APP: variants seen among roughly 807,000 people sequenced by gnomAD.
APP encodes the protein amyloid-beta precursor protein.
In APP, 31 loss-of-function variants were observed where a neutral mutation model predicts 101.4. The ratio of observed to expected loss-of-function variants is 0.31; its 90% CI spans 0.23 to 0.41. APP has a LOEUF of 0.41. APP is among the 10% of genes least tolerant of loss of function. The pLI is 1.00. For synonymous variants in APP, 366 were observed against 364.4 expected (o/e 1.00, Z -0.05); for missense variants, 839 against 1,003.7 (o/e 0.84, Z 2.22).
At chr21:26,167,939 A>C (rs2146403858) in intron 1 of APP, among the ~76,000 whole-genome samples, 1 of 152,292 alleles carries the variant, frequency 6.6e-6, no homozygotes, top group Middle Eastern at 3.4e-3. Flanking sequence ...CCTGAGCTTT[A>C]CTATTCTGTG....
At chr21:26,026,814 A>G (rs1037166249) in intron 5 of APP, among the ~76,000 whole-genome samples, 2 of 152,196 alleles carry the variant, frequency 1.3e-5, no homozygotes, top group African/African-American at 4.8e-5. Flanking sequence ...AGAATAAACA[A>G]TGCTGAGAGA....
chr21:25,952,195 C>T (rs964582396), intron 13 of APP, among the ~76,000 whole-genome samples: 1 of 145,542 alleles, frequency 6.9e-6, no homozygotes, highest in East Asian at 2.0e-4. Flanking sequence ...CATACATACA[C>T]ACACACACAC....
At chr21:26,111,624 C>G (rs1372904183) in intron 2 of APP, among the ~76,000 whole-genome samples, 2 of 151,922 alleles carry the variant, frequency 1.3e-5, no homozygotes, top group Middle Eastern at 6.3e-3. Context: ...TATAGTCCAG[C>G]TACTTGGGAG....
At chr21:25,988,323 T>C (rs2042716487) in intron 8 of APP, among the ~76,000 whole-genome samples, 1 of 152,066 alleles carries the variant, frequency 6.6e-6, no homozygotes, top group African/African-American at 2.4e-5. Flanking sequence ...CGTGGGCTGT[T>C]TGAGGGGGAG....
chr21:26,098,694 C>T (rs995206591), intron 2 of APP, among the ~76,000 whole-genome samples: 36 of 152,186 alleles, frequency 2.4e-4, no homozygotes, highest in Admixed American at 2.4e-3. Flanking sequence ...GAAATTGCTA[C>T]TAATTCTGAA....
intron 1 of APP, among the ~76,000 whole-genome samples, chr21:26,159,400 C>A (rs2063444452): frequency 6.6e-6 from 1 of 152,150 alleles, no homozygotes. Flanking sequence ...ATTTTTTAAA[C>A]ATCTAACTCC....
At chr21:25,897,463 T>A (rs1267838335) in intron 16 of APP, 110 bp downstream of exon 16, 3 of 892,420 alleles carry the variant, frequency 3.4e-6, no homozygotes, top group Non-Finnish European at 1.9e-6. Context: ...TAGGCAAGCA[T>A]TGTATTTTTA....
chr21:26,134,232 G>C (rs1235889595), intron 1 of APP, among the ~76,000 whole-genome samples: 3 of 152,116 alleles, frequency 2.0e-5, no homozygotes, highest in East Asian at 3.9e-4. Flanking sequence ...TGCCAGCTGA[G>C]TGTCCTCTAA....
intron 6 of APP, among the ~76,000 whole-genome samples, chr21:26,013,585 T>G (rs2043917247): frequency 6.6e-6 from 1 of 152,172 alleles, no homozygotes; most frequent in Non-Finnish European, 1.5e-5. Flanking sequence ...TAAAATTTTA[T>G]TTTTAATAAA....
At chr21:26,050,148 G>GA (rs907607967) in intron 5 of APP, among the ~76,000 whole-genome samples, 48 of 149,588 alleles carry the variant, frequency 3.2e-4, no homozygotes, top group South Asian at 2.1e-4. Context: ...GAAATTAAAA[G>GA]AAAAAAAAAC....
intron 13 of APP, among the ~76,000 whole-genome samples, chr21:25,943,893 A>G (rs1350126587): frequency 6.6e-6 from 1 of 152,250 alleles, no homozygotes; most frequent in Non-Finnish European, 1.5e-5. Flanking sequence ...CTTAAAAATC[A>G]TAAGCTTTAA....
intron 1 of APP, chr21:26,140,504 G>C (rs1247238032): frequency 1.1e-5 from 6 of 559,342 alleles, no homozygotes; most frequent in Non-Finnish European, 1.6e-5. Flanking sequence ...GGATTTTCTT[G>C]GCACAAAGCC....
chr21:25,917,794 A>T (rs1034815454), intron 13 of APP, among the ~76,000 whole-genome samples: 1 of 152,174 alleles, frequency 6.6e-6, no homozygotes. Flanking sequence ...TAATATCCAG[A>T]ATCTACAAGG....
chr21:26,035,539 T>A (rs1456553702), intron 5 of APP, among the ~76,000 whole-genome samples: 1 of 152,218 alleles, frequency 6.6e-6, no homozygotes, highest in Admixed American at 6.5e-5. Flanking sequence ...ACTACGTGTT[T>A]GTTAGTTGTT....
chr21:25,937,580 A>C (rs2146419353), intron 13 of APP, among the ~76,000 whole-genome samples: 1 of 152,322 alleles, frequency 6.6e-6, no homozygotes, highest in East Asian at 1.9e-4. Context: ...AGAGAGCCTA[A>C]ATGGATAATT....
rs75743525 is a variant in APP at position 26,132,171 on chromosome 21, G to A, written c.58-20025C>T. Among the ~76,000 whole-genome samples the A allele has an allele frequency of 8.5e-5, 13 of 152,246 alleles. No homozygotes were observed. The East Asian group carries it at 1.2e-3, about 14-fold the overall frequency. ...TTCAAGGCTGTAGTTTGCTATGATC[G>A]AGCCTGTGAATAGCTACTGCACTCC... On this transcript the variant is annotated intron_variant, in intron 1 of 17. Transcript: ENST00000346798.
At chr21:26,036,137 G>A (rs1341560612) in intron 5 of APP, among the ~76,000 whole-genome samples, 13 of 152,064 alleles carry the variant, frequency 8.5e-5, no homozygotes, top group Admixed American at 8.5e-4. Context: ...ACAGCAATCA[G>A]GAAGAGCGAG....
At chr21:26,154,466 G>A (rs946346645) in intron 1 of APP, among the ~76,000 whole-genome samples, 3 of 152,076 alleles carry the variant, frequency 2.0e-5, no homozygotes, top group African/African-American at 7.2e-5. Flanking sequence ...TCTCATATAT[G>A]TATAATACTA....
chr21:26,139,534 C>G (rs1171070337), intron 1 of APP, among the ~76,000 whole-genome samples: 2 of 152,146 alleles, frequency 1.3e-5, no homozygotes, highest in African/African-American at 2.4e-5. Flanking sequence ...ATGGCTAATT[C>G]TTGCAAATCA....
Sources: gnomAD v4.1 joint callset for allele counts (sites outside exome capture counted in the v4.1 genomes callset) on GRCh38, gnomAD v4.1.1 for gene constraint, MANE v1.5 for transcripts, NCBI Gene and HGNC (gene_info 2026-07-23, HGNC 2026-07-21) for gene names.